ASTN2: variants seen among roughly 807,000 people sequenced by gnomAD.
The protein encoded by ASTN2 is astrotactin-2.
A neutral mutation model predicts 139.8 loss-of-function variants in ASTN2; 54 were observed. The ratio of observed to expected loss-of-function variants is 0.39; its 90% CI spans 0.31 to 0.48. The LOEUF (loss-of-function observed/expected upper bound fraction) is 0.48. ASTN2 is among the 20% of genes least tolerant of loss of function. The probability of loss-of-function intolerance (pLI) is 0.95; values close to 1 mark genes in which losing one functional copy is unlikely to be tolerated. For missense variants in ASTN2, 1,565 were observed against 1,725.1 expected (o/e 0.91, Z 1.64); for synonymous variants, 756 against 719.5 (o/e 1.05, Z -0.81).
intron 4 of ASTN2, among the ~76,000 whole-genome samples, chr9:117,127,392 C>G (rs1312097798): frequency 6.6e-6 from 1 of 152,162 alleles, no homozygotes; most frequent in African/African-American, 2.4e-5. Flanking sequence ...TACAGCTGCT[C>G]CCTGCAAATC....
chr9:116,652,729 C>T (rs1857987969), intron 16 of ASTN2, among the ~76,000 whole-genome samples: 1 of 152,192 alleles, frequency 6.6e-6, no homozygotes, highest in African/African-American at 2.4e-5. Flanking sequence ...GTAGGACTGT[C>T]TGGAAAAGAC....
intron 11 of ASTN2, among the ~76,000 whole-genome samples, chr9:116,843,178 T>C (rs1417374302): frequency 1.3e-5 from 2 of 152,134 alleles, no homozygotes; most frequent in African/African-American, 2.4e-5. Flanking sequence ...AGCAAAGACA[T>C]GGACTCAACC....
chr9:116,698,713 A>T lies in ASTN2; in HGVS notation c.2806+27058T>A. 6.2e-7 allele frequency: 1 copy of T among 1,614,164 alleles called. No homozygotes were observed. Among genetic ancestry groups the T allele is most frequent in the Non-Finnish European group, 8.5e-7 (1 of 1,180,052 alleles). On this transcript the variant is annotated intron_variant, in intron 16 of 22. Coordinates refer to ENST00000313400, the MANE Select transcript of ASTN2 (RefSeq NM_001365068.1). This position sits in a 1 kb window ranked among gnomAD's most constrained non-coding sequence, Gnocchi z 4.4. Reference sequence around the variant, plus strand: ...GCCTCTACCTCTGTTACTTTTAGAGAGATGGACATGAGCCCGGAGGAAGTG... The same window carrying T: ...GCCTCTACCTCTGTTACTTTTAGAGTGATGGACATGAGCCCGGAGGAAGTG...
At chr9:117,233,503 T>G (rs1832956923) in intron 2 of ASTN2, among the ~76,000 whole-genome samples, 1 of 152,186 alleles carries the variant, frequency 6.6e-6, no homozygotes, top group African/African-American at 2.4e-5. Flanking sequence ...TGTATAAGCA[T>G]ATGTGTGTGT....
intron 10 of ASTN2, among the ~76,000 whole-genome samples, chr9:116,895,373 C>T (rs1833857046): frequency 6.6e-6 from 1 of 152,186 alleles, no homozygotes; most frequent in Non-Finnish European, 1.5e-5. Context: ...TGAAACACTT[C>T]TCTAGTCCCA....
rs1345779804 is a variant in ASTN2 at position 116,423,913 on chromosome 9, A to G, written c.*1938T>C. ...ATGGTTTTTTTCTTTTTTACTCACCACTACACAAATGAGGATAGGCATATT... is the reference window on the plus strand; with the variant it reads ...ATGGTTTTTTTCTTTTTTACTCACCGCTACACAAATGAGGATAGGCATATT... On this transcript the variant is annotated 3_prime_UTR_variant, in exon 23 of 23. Transcript: ENST00000313400. Among the ~76,000 whole-genome samples, 1 of 152,086 alleles carries G rather than the reference A, an allele frequency of 6.6e-6. No homozygotes were observed. Among genetic ancestry groups the G allele is most frequent in the African/African-American group, 2.4e-5 (1 of 41,404 alleles).
intron 16 of ASTN2, among the ~76,000 whole-genome samples, chr9:116,669,915 C>T (rs1859090787): frequency 6.6e-6 from 1 of 151,770 alleles, no homozygotes. Flanking sequence ...AAGCAATTCT[C>T]TGCCTCAGCC....
chr9:116,838,578 C>T (rs1245470296), intron 11 of ASTN2, among the ~76,000 whole-genome samples: 2 of 144,200 alleles, frequency 1.4e-5, no homozygotes, highest in Non-Finnish European at 3.0e-5. Context: ...CGTGTGCTAC[C>T]ATGCCCAGCA....
intron 3 of ASTN2, among the ~76,000 whole-genome samples, chr9:117,202,354 C>T (rs889089719): frequency 2.0e-5 from 3 of 152,002 alleles, no homozygotes; most frequent in Admixed American, 6.6e-5. Context: ...GAGTTAGTAT[C>T]GTTATGTGTG....
intron 1 of ASTN2, among the ~76,000 whole-genome samples, chr9:117,339,841 A>T (rs1829008570): frequency 6.6e-6 from 1 of 151,616 alleles, no homozygotes; most frequent in Admixed American, 6.6e-5. Flanking sequence ...TGAGGACCAC[A>T]TGCTAATCAA....
At chr9:116,785,174 G>C (rs2132212363) in intron 13 of ASTN2, among the ~76,000 whole-genome samples, 1 of 152,252 alleles carries the variant, frequency 6.6e-6, no homozygotes, top group Admixed American at 6.5e-5. Flanking sequence ...GCTGCTGCCT[G>C]GGTCTCTTCT....
Position 116,458,091 on chromosome 9 carries a change from C to A in ASTN2, c.3498-15538G>T, listed in dbSNP as rs533344977. ...AGGACATTATGTTAAGTGAAATAAG[C>A]CAGGCACAGAAAGACAAACTTTGCA... On this transcript the variant is annotated intron_variant, in intron 20 of 22. Coordinates refer to ENST00000313400, the MANE Select transcript of ASTN2 (RefSeq NM_001365068.1). Among the ~76,000 whole-genome samples the A allele has an allele frequency of 1.8e-3, 270 of 151,500 alleles. 7 individuals carry two copies. In the South Asian group the frequency reaches 0.05, roughly 28 times the overall value.
chr9:116,997,121 G>A (rs1757207947), intron 7 of ASTN2, among the ~76,000 whole-genome samples: 1 of 152,090 alleles, frequency 6.6e-6, no homozygotes, highest in African/African-American at 2.4e-5. Context: ...AGCAAAGGTT[G>A]CCTTGGACTT....
intron 3 of ASTN2, among the ~76,000 whole-genome samples, chr9:117,207,816 C>G (rs548809369): frequency 6.6e-6 from 1 of 152,296 alleles, no homozygotes; most frequent in Admixed American, 6.5e-5. Flanking sequence ...GCCCAGTGAG[C>G]CCAATCCTGG....
chr9:116,692,049 C>T (rs193133240), intron 16 of ASTN2, among the ~76,000 whole-genome samples: 13 of 152,316 alleles, frequency 8.5e-5, no homozygotes, highest in Admixed American at 2.0e-4. Flanking sequence ...GTACCGTTCA[C>T]AGGGCCAGAC....
At chr9:117,237,302 G>C (rs1020247818) in intron 2 of ASTN2, among the ~76,000 whole-genome samples, 3 of 152,090 alleles carry the variant, frequency 2.0e-5, no homozygotes, top group African/African-American at 7.2e-5. Flanking sequence ...TTTGGTCAAG[G>C]TTGTTGGAAG....
Position 116,686,853 on chromosome 9 carries a change from A to G in ASTN2, c.2807-35060T>C, listed in dbSNP as rs1297806565. 7.8e-6 allele frequency: 12 copies of G among 1,548,320 alleles called. No homozygotes were observed. The Admixed American group carries it at 2.4e-4, about 30-fold the overall frequency. ...GCTCTCTGTCAGAGCACAGAACATG[A>G]GGCCAAAGCACTGCCCTTCCTAGGG... On this transcript the variant is annotated intron_variant, in intron 16 of 22. Coordinates refer to ENST00000313400, the MANE Select transcript of ASTN2 (RefSeq NM_001365068.1).
chr9:117,059,954 A>G (rs779932467), intron 5 of ASTN2, among the ~76,000 whole-genome samples: 1 of 152,192 alleles, frequency 6.6e-6, no homozygotes, highest in African/African-American at 2.4e-5. Flanking sequence ...GCTGGCTCAC[A>G]AGATCCAATT....
intron 1 of ASTN2, among the ~76,000 whole-genome samples, chr9:117,368,829 T>A (rs1274332520): frequency 6.6e-6 from 1 of 152,160 alleles, no homozygotes; most frequent in Non-Finnish European, 1.5e-5. Flanking sequence ...AAGTCCCCAC[T>A]GACAAAGGAT....
Sources: gnomAD v4.1 joint callset for allele counts (sites outside exome capture counted in the v4.1 genomes callset) on GRCh38, gnomAD v4.1.1 for gene constraint, Gnocchi (gnomAD v3.1) non-coding constraint, MANE v1.5 for transcripts, NCBI Gene and HGNC (gene_info 2026-07-23, HGNC 2026-07-21) for gene names.